The following RAPGEF2 variants were observed in gnomAD, a reference collection of about 807,000 sequenced individuals.
RAPGEF2 encodes Rap guanine nucleotide exchange factor 2, also known as PDZ domain containing guanine nucleotide exchange factor (GEF) 1.
Under a neutral mutation model 186.7 loss-of-function variants are expected in RAPGEF2, and 54 were observed. The observed-to-expected ratio is 0.29, with a 90% confidence interval of 0.23 to 0.36. RAPGEF2 has a LOEUF of 0.36. Among genes scored for constraint, RAPGEF2 ranks in the 10% least tolerant of loss-of-function variants. The pLI is 1.00. For missense variants in RAPGEF2, 1,532 were observed against 2,045.0 expected (o/e 0.75, Z 4.84); for synonymous variants, 712 against 705.9 (o/e 1.01, Z -0.14).
chr4:159,268,327 G>A (rs1757687782), intron 7 of RAPGEF2: 4 of 878,192 alleles, frequency 4.6e-6, no homozygotes, highest in Non-Finnish European at 7.3e-6. Flanking sequence ...AGAAGGTATA[G>A]TAGTCTGCTT....
intron 1 of RAPGEF2, among the ~76,000 whole-genome samples, chr4:159,180,022 C>T (rs772371590): frequency 4.6e-5 from 7 of 152,010 alleles, no homozygotes; most frequent in East Asian, 1.9e-4. Flanking sequence ...TGTGAGGTCT[C>T]GACACCTGGT....
chr4:159,112,537 A>G (rs902859022), intron 1 of RAPGEF2, among the ~76,000 whole-genome samples: 2 of 152,194 alleles, frequency 1.3e-5, no homozygotes, highest in African/African-American at 4.8e-5. Context: ...GCAAATCATG[A>G]CAGTAACGGA....
At chr4:159,211,868 AAT>A (rs1750566665) in intron 4 of RAPGEF2, among the ~76,000 whole-genome samples, 1 of 152,200 alleles carries the variant, frequency 6.6e-6, no homozygotes, top group Non-Finnish European at 1.5e-5. Context: ...CTGTAGTAGC[AAT>A]AGTCTTAGAA....
At chr4:159,275,911 A>AGTG (rs1404983912) in intron 7 of RAPGEF2, among the ~76,000 whole-genome samples, 1 of 152,152 alleles carries the variant, frequency 6.6e-6, no homozygotes. Flanking sequence ...ATTTTTATTA[A>AGTG]GTGGAAGCAC....
At chr4:159,126,713 C>T (rs1477279984) in intron 1 of RAPGEF2, among the ~76,000 whole-genome samples, 1 of 152,160 alleles carries the variant, frequency 6.6e-6, no homozygotes, top group Admixed American at 6.5e-5. Context: ...TAGGCTAGGT[C>T]ATAATTTCAG....
chr4:159,137,629 A>C (rs1741860861), intron 1 of RAPGEF2, among the ~76,000 whole-genome samples: 1 of 151,948 alleles, frequency 6.6e-6, no homozygotes. Context: ...TGTGAGAGAG[A>C]ATAAAGAACA....
chr4:159,208,687 T>G (rs1253168772), intron 3 of RAPGEF2, among the ~76,000 whole-genome samples: 2 of 152,196 alleles, frequency 1.3e-5, no homozygotes, highest in Non-Finnish European at 2.9e-5. Context: ...GATTTTTGTT[T>G]TAATAGTAGC....
At chr4:159,210,634 T>A in intron 4 of RAPGEF2, 51 bp downstream of exon 4, 1 of 1,374,034 alleles carries the variant, frequency 7.3e-7, no homozygotes, top group Admixed American at 2.0e-5. Flanking sequence ...TGAAATTCTT[T>A]TGCAGAATTC....
chr4:159,125,196 A>T (rs1740154726), intron 1 of RAPGEF2, among the ~76,000 whole-genome samples: 1 of 152,210 alleles, frequency 6.6e-6, no homozygotes, highest in Non-Finnish European at 1.5e-5. Flanking sequence ...TGCTTTGCTC[A>T]ATAAATCTGC....
intron 7 of RAPGEF2, among the ~76,000 whole-genome samples, chr4:159,283,944 C>T (rs1345648670): frequency 6.6e-6 from 1 of 152,110 alleles, no homozygotes; most frequent in African/African-American, 2.4e-5. Context: ...ACCCCCCTCC[C>T]CAAATTTGCA....
chr4:159,301,938 T>C (rs955461328), intron 7 of RAPGEF2, among the ~76,000 whole-genome samples: 7 of 152,148 alleles, frequency 4.6e-5, no homozygotes, highest in African/African-American at 1.7e-4. Flanking sequence ...GTAGTAGAGG[T>C]TTGGAGTTAG....
Position 159,295,748 on chromosome 4 carries a change from T to TGC in RAPGEF2, c.544-8593_544-8592insCG, listed in dbSNP as rs1344833740. Among the ~76,000 whole-genome samples the TGC allele has an allele frequency of 1.1e-4, 12 of 112,090 alleles. 1 individual carries two copies. The highest frequency in any genetic ancestry group is 5.5e-4 in the South Asian group (2 of 3,618). The allele number at this position is 112,090 out of a possible 152,430, so 73.5% of individuals were successfully genotyped here. A position where few individuals can be genotyped will look rare whatever the true frequency, so the allele number is the denominator to read the frequency against. On this transcript the variant is annotated intron_variant, in intron 7 of 29. Transcript: ENST00000691494. ...GTGTGTGTGTGTGTGTGTGTGTGTGTGTGTGTGCGCGCGCGCGCGCGCGCG... is the reference window on the plus strand; with the variant it reads ...GTGTGTGTGTGTGTGTGTGTGTGTGTGCGTGTGTGCGCGCGCGCGCGCGCGCG...
chr4:159,347,738 C>T (rs1003633553), intron 25 of RAPGEF2, among the ~76,000 whole-genome samples: 1 of 152,162 alleles, frequency 6.6e-6, no homozygotes, highest in Non-Finnish European at 1.5e-5. Flanking sequence ...GAGCCTAGAT[C>T]GCACCGCTGC....
At chr4:159,268,198 C>T (rs1757669002) in intron 7 of RAPGEF2, 3 of 1,605,144 alleles carry the variant, frequency 1.9e-6, no homozygotes, top group Admixed American at 3.3e-5. Flanking sequence ...AGTTATGGGC[C>T]AGCAGGAGAA....
chr4:159,258,803 C>A (rs566317631), intron 7 of RAPGEF2, among the ~76,000 whole-genome samples: 1 of 152,188 alleles, frequency 6.6e-6, no homozygotes, highest in Admixed American at 6.5e-5. Flanking sequence ...GCAAAATTAG[C>A]ATTATTTAGT....
At chr4:159,163,332 A>T (rs1036149900) in intron 1 of RAPGEF2, among the ~76,000 whole-genome samples, 4 of 152,212 alleles carry the variant, frequency 2.6e-5, no homozygotes, top group African/African-American at 9.6e-5. Flanking sequence ...AGAGATGATC[A>T]TGGAGACATT....
chr4:159,308,936 G>T (rs1405509908), intron 8 of RAPGEF2, among the ~76,000 whole-genome samples: 1 of 152,110 alleles, frequency 6.6e-6, no homozygotes, highest in African/African-American at 2.4e-5. Flanking sequence ...GTTGCAGAGA[G>T]TAGGAGAACA....
At chr4:159,332,908 T>G in intron 17 of RAPGEF2, 1 of 385,854 alleles carries the variant, frequency 2.6e-6, no homozygotes, top group Non-Finnish European at 4.5e-6. Context: ...AAAGATAGTT[T>G]AGCATTTCCT....
At chr4:159,346,735 A>G in intron 24 of RAPGEF2, 54 bp from the exon 25 acceptor site, 2 of 1,420,906 alleles carry the variant, frequency 1.4e-6, no homozygotes, top group African/African-American at 2.8e-5. Context: ...TCTTCTACAT[A>G]CCTACTAGCA....
Sources: gnomAD v4.1 joint callset for allele counts (sites outside exome capture counted in the v4.1 genomes callset) on GRCh38, gnomAD v4.1.1 for gene constraint, MANE v1.5 for transcripts, NCBI Gene and HGNC (gene_info 2026-07-23, HGNC 2026-07-21) for gene names.